The following GLP2R variants were observed in gnomAD, a reference collection of about 807,000 sequenced individuals.
GLP2R encodes the protein glucagon like peptide 2 receptor.
A neutral mutation model predicts 68.2 loss-of-function variants in GLP2R; 59 were observed. That is an observed-to-expected ratio of 0.87 (90% CI 0.70 to 1.07). GLP2R has a LOEUF of 1.07. Ranked by LOEUF, GLP2R falls within the 50% of genes least tolerant of loss-of-function variation. The probability of loss-of-function intolerance (pLI) is 0.00; values close to 1 mark genes in which losing one functional copy is unlikely to be tolerated. For synonymous variants in GLP2R, 270 were observed against 265.4 expected (o/e 1.02, Z -0.17); for missense variants, 548 against 677.4 (o/e 0.81, Z 2.12).
In GLP2R at chr17:9,889,896, C is replaced by T; in HGVS notation, c.*191C>T. ...AGAGGCTGTGTGTCATGCTCACAGCCTCTGCCTGCTCTTCTCATCCTAATA... is the reference window on the plus strand; with the variant it reads ...AGAGGCTGTGTGTCATGCTCACAGCTTCTGCCTGCTCTTCTCATCCTAATA... On this transcript the variant is annotated 3_prime_UTR_variant, in exon 13 of 13. Coordinates refer to ENST00000262441, the MANE Select transcript of GLP2R (RefSeq NM_004246.3). 1.6e-6 allele frequency: 1 copy of T among 644,448 alleles called. No homozygotes were observed. Among genetic ancestry groups the T allele is most frequent in the Non-Finnish European group, 2.8e-6 (1 of 354,688 alleles). The allele number at this position is 644,448 out of a possible 1,614,324, so 39.9% of individuals were successfully genotyped here.
chr17:9,829,145 A>C (rs923000748), intron 1 of GLP2R, among the ~76,000 whole-genome samples: 1 of 152,166 alleles, frequency 6.6e-6, no homozygotes, highest in Admixed American at 6.5e-5. Context: ...TTTAGTTTCT[A>C]AATTCAAGCA....
chr17:9,875,027 G>C (rs1011254382), intron 10 of GLP2R, among the ~76,000 whole-genome samples: 2 of 152,170 alleles, frequency 1.3e-5, no homozygotes, highest in African/African-American at 4.8e-5. Flanking sequence ...CTGTTTACTT[G>C]TTCTTTGTGT....
At chr17:9,840,013 G>C (rs1211358369) in intron 3 of GLP2R, among the ~76,000 whole-genome samples, 3 of 133,016 alleles carry the variant, frequency 2.3e-5, no homozygotes, top group Non-Finnish European at 4.7e-5. Context: ...ACAGAGTCTT[G>C]CTCTGTTGCC....
chr17:9,859,819 CAAAAAAAAAAAAAAA>C (rs10567375), intron 6 of GLP2R, 108 bp from the exon 7 acceptor site: 15,841 of 143,950 alleles, frequency 0.11, 749 homozygotes, highest in Non-Finnish European at 0.14. Context: ...GATTCTGTCT[CAAAAAAAAAAAAAAA>C]AAAAAAAAAA....
chr17:9,845,419 G>A (rs1205938724), intron 4 of GLP2R, among the ~76,000 whole-genome samples: 1 of 152,168 alleles, frequency 6.6e-6, no homozygotes, highest in African/African-American at 2.4e-5. Flanking sequence ...TCTTGTCACG[G>A]GAGCCACCTA....
At chr17:9,875,809 G>A (rs1165884178) in intron 10 of GLP2R, among the ~76,000 whole-genome samples, 1 of 152,210 alleles carries the variant, frequency 6.6e-6, no homozygotes, top group Non-Finnish European at 1.5e-5. Flanking sequence ...TAGATAAAGG[G>A]CCTTAACTCT....
At chr17:9,833,272 AAAG>A in intron 1 of GLP2R, among the ~76,000 whole-genome samples, 1 of 141,544 alleles carries the variant, frequency 7.1e-6, no homozygotes, top group African/African-American at 2.5e-5. Context: ...TAAAAAAAAA[AAAG>A]AAAGAAAGAA....
chr17:9,878,934 T>TA lies in GLP2R; in HGVS notation c.1146-1434dup, dbSNP rs912901642. On this transcript the variant is annotated intron_variant, in intron 10 of 12. Transcript: ENST00000262441. Reference sequence around the variant, plus strand: ...CCCCTTTAGAAGAAGTGACCTAAGCTAAAAAAAAAATCATTACAATTACGC... The same window carrying TA: ...CCCCTTTAGAAGAAGTGACCTAAGCTAAAAAAAAAAATCATTACAATTACGC... Among the ~76,000 whole-genome samples the TA allele has an allele frequency of 1.2e-3, 178 of 148,930 alleles. 2 individuals carry two copies. Among genetic ancestry groups the TA allele is most frequent in the African/African-American group, 3.8e-3 (156 of 40,732 alleles).
At chr17:9,864,329 G>A (rs1217563044) in intron 9 of GLP2R, among the ~76,000 whole-genome samples, 1 of 152,154 alleles carries the variant, frequency 6.6e-6, no homozygotes, top group Non-Finnish European at 1.5e-5. Flanking sequence ...AAGCTCCCCA[G>A]GTTTTGGATG....
rs762643457 is a variant in GLP2R, at chr17:9,842,757, G to T, written c.504+141G>T. Reference sequence around the variant, plus strand: ...CCCCGGGGAAGCTAAGGAAGGTCCCGCAAAGCAGCAACCCTTGTGGCGGCC... The same window carrying T: ...CCCCGGGGAAGCTAAGGAAGGTCCCTCAAAGCAGCAACCCTTGTGGCGGCC... On this transcript the variant is annotated intron_variant, in intron 4 of 12. Coordinates refer to ENST00000262441, the MANE Select transcript of GLP2R (RefSeq NM_004246.3). 23 of 823,894 alleles carry T rather than the reference G, an allele frequency of 2.8e-5. No individual in the cohort carries two copies. In the East Asian group the frequency reaches 6.1e-4, roughly 22 times the overall value. 51.0% of individuals were successfully genotyped at this position (823,894 alleles called of 1,614,324 possible).
rs184346961 is a variant in GLP2R at position 9,831,908 on chromosome 17, T to C, written c.190-1899T>C. Among the ~76,000 whole-genome samples, 191 of 152,268 alleles carry C rather than the reference T, an allele frequency of 1.3e-3. 1 individual carries two copies. Among genetic ancestry groups the C allele is most frequent in the African/African-American group, 4.5e-3 (188 of 41,570 alleles). On this transcript the variant is annotated intron_variant, in intron 1 of 12. Transcript: ENST00000262441. ...ACGACTCCTGGTTTCAGGTTTCTAA[T>C]GGAGAGAACTGAGCCACACTTGGCA...
At chr17:9,868,160 C>A (rs1051651901) in intron 9 of GLP2R, among the ~76,000 whole-genome samples, 4 of 152,206 alleles carry the variant, frequency 2.6e-5, no homozygotes, top group African/African-American at 4.8e-5. Flanking sequence ...CTTCCTTCCT[C>A]CTCTCCCAGT....
intron 12 of GLP2R, among the ~76,000 whole-genome samples, 158 bp downstream of exon 12, chr17:9,888,131 A>G (rs1388688438): frequency 6.6e-6 from 1 of 152,140 alleles, no homozygotes; most frequent in Non-Finnish European, 1.5e-5. Flanking sequence ...CGGTACAGAG[A>G]GCAGGAGGCA....
chr17:9,872,447 T>A (rs1462173119), intron 10 of GLP2R, among the ~76,000 whole-genome samples: 3 of 152,088 alleles, frequency 2.0e-5, no homozygotes, highest in African/African-American at 7.2e-5. Flanking sequence ...TGTGGTGGTG[T>A]GTGCCTGTAA....
At position 9,871,014 on chromosome 17, in the gene GLP2R, C is replaced by T. The variant is rs541296563; in HGVS notation, c.1145+179C>T. Among the ~76,000 whole-genome samples, 8 of 152,172 alleles carry T rather than the reference C, an allele frequency of 5.3e-5. No individual in the cohort carries two copies. In the East Asian group the frequency reaches 5.8e-4, roughly 11 times the overall value. On this transcript the variant is annotated intron_variant, in intron 10 of 12. Transcript: ENST00000262441. ...TGTCAATGGTGAGGACCTTCTATGA[C>T]GATGAAGCAAATGGTGAGTAGTCAA...
At chr17:9,827,319 G>A (rs1386765031) in intron 1 of GLP2R, among the ~76,000 whole-genome samples, 1 of 152,080 alleles carries the variant, frequency 6.6e-6, no homozygotes, top group Non-Finnish European at 1.5e-5. Context: ...AGGTGCCCCC[G>A]TTCCTCATAT....
intron 4 of GLP2R, among the ~76,000 whole-genome samples, chr17:9,843,841 G>A (rs1309499814): frequency 2.0e-5 from 3 of 152,180 alleles, no homozygotes; most frequent in African/African-American, 7.2e-5. Context: ...AAGCATATAC[G>A]ATGGGTTAGG....
chr17:9,883,292 T>C (rs761535776), intron 11 of GLP2R, among the ~76,000 whole-genome samples: 1 of 151,942 alleles, frequency 6.6e-6, no homozygotes, highest in Non-Finnish European at 1.5e-5. Context: ...GATAGGTCAA[T>C]GAGATTACCC....
At chr17:9,835,563 T>C (rs961326831) in intron 2 of GLP2R, among the ~76,000 whole-genome samples, 2 of 152,212 alleles carry the variant, frequency 1.3e-5, no homozygotes, top group African/African-American at 4.8e-5. Context: ...GTGTTGGTTA[T>C]GTGTGACCAA....
Sources: gnomAD v4.1 joint callset for allele counts (sites outside exome capture counted in the v4.1 genomes callset) on GRCh38, gnomAD v4.1.1 for gene constraint, MANE v1.5 for transcripts, NCBI Gene and HGNC (gene_info 2026-07-23, HGNC 2026-07-21) for gene names.